ARID5B: variants seen among roughly 807,000 people sequenced by gnomAD.
The protein encoded by ARID5B is AT-rich interaction domain 5B.
Under a neutral mutation model 97.2 loss-of-function variants are expected in ARID5B, and 13 were observed. The ratio of observed to expected loss-of-function variants is 0.13; its 90% CI spans 0.09 to 0.21. The LOEUF (loss-of-function observed/expected upper bound fraction) is 0.21. Ranked by LOEUF, ARID5B falls within the 10% of genes least tolerant of loss-of-function variation. ARID5B has a pLI of 1.00. For missense variants in ARID5B, 1,210 were observed against 1,465.3 expected (o/e 0.83, Z 2.84); for synonymous variants, 556 against 570.3 (o/e 0.97, Z 0.36).
At chr10:62,079,716 A>AGG (rs144809395) in intron 8 of ARID5B, among the ~76,000 whole-genome samples, 1 of 152,262 alleles carries the variant, frequency 6.6e-6, no homozygotes, top group African/African-American at 2.4e-5. Context: ...GGGACCATGG[A>AGG]GGGAGGTATC....
chr10:61,978,553 T>C (rs1838732913), intron 3 of ARID5B, among the ~76,000 whole-genome samples: 1 of 152,214 alleles, frequency 6.6e-6, no homozygotes, highest in Non-Finnish European at 1.5e-5. Context: ...TGGCTTGTAG[T>C]TCTCCTTGAA....
rs755481975 is a variant in ARID5B, at chr10:62,092,755, G to A, written c.3292G>A (p.Gly1098Arg). 2 of 1,614,128 alleles carry A rather than the reference G, an allele frequency of 1.2e-6. No homozygotes were observed. The highest frequency in any genetic ancestry group is 3.3e-5 in the Admixed American group (2 of 60,030). ...NSGLNSRLPA[G>R]YSHSLQYLKN... The stretch of plus-strand genomic sequence containing the variant: ...GGGCCTCAACTCCAGGCTCCCGGCT[G>A]GGTATTCTCATTCTCTGCAGTACTT... Residue 1098 changes from glycine (G) to arginine (R), a missense_variant, in exon 10 of 10, where the codon GGG becomes AGG. By Grantham distance (125) the Gly-to-Arg change is moderately radical. This residue lies in a region of ARID5B where 800 missense variants were observed against 839.1 expected (regional missense o/e 0.95). Coordinates refer to ENST00000279873, the MANE Select transcript of ARID5B (RefSeq NM_032199.3).
chr10:62,009,545 G>A (rs759775383), intron 4 of ARID5B, among the ~76,000 whole-genome samples: 3 of 151,048 alleles, frequency 2.0e-5, no homozygotes, highest in Admixed American at 6.6e-5. Context: ...GCTTCTGAAG[G>A]GTCACAGACC....
chr10:61,937,411 G>T (rs1393160110), intron 2 of ARID5B, among the ~76,000 whole-genome samples: 4 of 152,240 alleles, frequency 2.6e-5, no homozygotes, highest in African/African-American at 9.6e-5. Flanking sequence ...GAGGATTTAT[G>T]ATTAAATGAG....
At chr10:62,037,015 G>A in intron 4 of ARID5B, among the ~76,000 whole-genome samples, 1 of 152,164 alleles carries the variant, frequency 6.6e-6, no homozygotes, top group Non-Finnish European at 1.5e-5. Context: ...GAAAAGCCAA[G>A]AACCGCTTTC....
intron 4 of ARID5B, among the ~76,000 whole-genome samples, chr10:62,028,727 G>A (rs918930767): frequency 3.9e-5 from 6 of 152,278 alleles, no homozygotes; most frequent in Admixed American, 2.6e-4. Context: ...TTGGGAGGAC[G>A]AGGCGGATGG....
intron 2 of ARID5B, among the ~76,000 whole-genome samples, chr10:61,905,627 C>T (rs955382960): frequency 6.6e-6 from 1 of 152,028 alleles, no homozygotes; most frequent in African/African-American, 2.4e-5. Context: ...ATCTTTTCTC[C>T]CCAGTGAAAC....
chr10:62,023,652 G>T (rs1839383634), intron 4 of ARID5B, among the ~76,000 whole-genome samples: 1 of 152,182 alleles, frequency 6.6e-6, no homozygotes, highest in Non-Finnish European at 1.5e-5. Context: ...GGAAGTGGGG[G>T]AATACATAGC....
At chr10:62,068,532 AT>A (rs1344713005) in intron 7 of ARID5B, among the ~76,000 whole-genome samples, 608 of 145,404 alleles carry the variant, frequency 4.2e-3, no homozygotes, top group Middle Eastern at 0.011. Context: ...AGGTTTTTTA[AT>A]TTTTTTTTTT....
At chr10:61,943,543 C>T (rs1220911026) in intron 3 of ARID5B, among the ~76,000 whole-genome samples, 3 of 148,294 alleles carry the variant, frequency 2.0e-5, no homozygotes, top group Non-Finnish European at 4.5e-5. Flanking sequence ...TAAAGTAAAA[C>T]TCCAACATGT....
At chr10:62,023,051 A>T (rs534857072) in intron 4 of ARID5B, among the ~76,000 whole-genome samples, 1 of 152,336 alleles carries the variant, frequency 6.6e-6, no homozygotes, top group African/African-American at 2.4e-5. Flanking sequence ...GACTTTCCAC[A>T]CACTGGAGCA....
At chr10:62,008,061 A>AACAC (rs369982502) in intron 4 of ARID5B, among the ~76,000 whole-genome samples, 4,590 of 66,482 alleles carry the variant, frequency 0.069, 145 homozygotes, top group African/African-American at 0.094. Flanking sequence ...CCCGCCCCAC[A>AACAC]ACACACACAC....
chr10:62,033,533 T>C (rs1839523661), intron 4 of ARID5B, among the ~76,000 whole-genome samples: 2 of 152,246 alleles, frequency 1.3e-5, no homozygotes, highest in South Asian at 4.1e-4. Context: ...GTAGCTTTCC[T>C]GCACTTATCT....
intron 3 of ARID5B, among the ~76,000 whole-genome samples, chr10:61,992,921 A>G (rs1252346274): frequency 6.6e-6 from 1 of 152,184 alleles, no homozygotes; most frequent in Non-Finnish European, 1.5e-5. Context: ...CAAAATAACC[A>G]CAACAGTGCA....
At chr10:61,910,642 A>C (rs1843785848) in intron 2 of ARID5B, among the ~76,000 whole-genome samples, 1 of 152,198 alleles carries the variant, frequency 6.6e-6, no homozygotes, top group Admixed American at 6.5e-5. Flanking sequence ...CTGGACTATG[A>C]GCATCAGTAT....
At chr10:61,969,829 G>T (rs1426460732) in intron 3 of ARID5B, among the ~76,000 whole-genome samples, 2 of 151,936 alleles carry the variant, frequency 1.3e-5, no homozygotes, top group African/African-American at 4.8e-5. Flanking sequence ...TGATTCTTTT[G>T]GATTTGTTTT....
At chr10:62,035,753 G>T (rs1458540666) in intron 4 of ARID5B, among the ~76,000 whole-genome samples, 1 of 151,988 alleles carries the variant, frequency 6.6e-6, no homozygotes, top group African/African-American at 2.4e-5. Flanking sequence ...ACTTTGTACA[G>T]GTATTGACAA....
At chr10:61,942,741 G>A (rs760658400) in intron 3 of ARID5B, among the ~76,000 whole-genome samples, 17 of 152,276 alleles carry the variant, frequency 1.1e-4, no homozygotes, top group Middle Eastern at 6.8e-3. Flanking sequence ...GCAGTGAGCC[G>A]AAATCATCAC....
intron 8 of ARID5B, among the ~76,000 whole-genome samples, chr10:62,085,258 A>G (rs1440427191): frequency 6.6e-6 from 1 of 152,246 alleles, no homozygotes; most frequent in Admixed American, 6.5e-5. Context: ...TATAAGCTTC[A>G]TGAGCTCAGA....
Sources: gnomAD v4.1 joint callset for allele counts (sites outside exome capture counted in the v4.1 genomes callset) on GRCh38, gnomAD v4.1.1 for gene constraint, gnomAD v4.1.1 regional missense constraint, MANE v1.5 for transcripts, NCBI Gene and HGNC (gene_info 2026-07-23, HGNC 2026-07-21) for gene names.